Variants in NBPF14 observed in about 807,000 individuals in gnomAD.
NBPF14 encodes the protein NBPF family member NBPF14.
NBPF14 carries 104 observed loss-of-function variants against 91.2 expected under a neutral mutation model. That is an observed-to-expected ratio of 1.14 (90% CI 0.97 to 1.34). The LOEUF is 1.34. Ranked by LOEUF, NBPF14 falls within the 40% of genes most tolerant of loss-of-function variation. NBPF14 has a pLI of 0.00. For missense variants in NBPF14, 908 were observed against 783.0 expected, an observed-to-expected ratio of 1.16 and a Z score of -1.91; for synonymous variants, 294 against 303.8, an observed-to-expected ratio of 0.97 and a Z score of 0.34.
chr1:148,561,943 G>T (rs1657888995), intron 34 of NBPF14, among the ~76,000 whole-genome samples: 3 of 113,358 alleles, frequency 2.6e-5, no homozygotes, highest in African/African-American at 1.6e-4. Flanking sequence ...CAGGGATCAT[G>T]AAAAGACTGT....
chr1:148,576,008 A>C (rs1334541414), intron 16 of NBPF14, among the ~76,000 whole-genome samples, 197 bp from the exon 17 acceptor site: 1 of 147,140 alleles, frequency 6.8e-6, no homozygotes, highest in Non-Finnish European at 1.5e-5. Context: ...AGACAGGGAG[A>C]GGGAGAGAGA....
rs1256326148 is a variant in NBPF14 at position 148,590,304 on chromosome 1, G to A, written c.778+453C>T. 2.6e-4 allele frequency among the ~76,000 whole-genome samples: 36 copies of A among 140,940 alleles called. 2 individuals carry two copies. Among genetic ancestry groups the A allele is most frequent in the South Asian group, 1.5e-3 (6 of 4,098 alleles). 92.5% of individuals were successfully genotyped at this position (140,940 alleles called of 152,430 possible). A position where few individuals can be genotyped will look rare whatever the true frequency, so the allele number is the denominator to read the frequency against. On this transcript the variant is annotated intron_variant, in intron 6 of 70. Transcript: ENST00000619423. Reference sequence around the variant, plus strand: ...AATCTCCTGACCTCATGATCCACCCGCCTCGGCCTCCCAAAGTGCTCGGAT... The same window carrying A: ...AATCTCCTGACCTCATGATCCACCCACCTCGGCCTCCCAAAGTGCTCGGAT...
At position 148,572,334 on chromosome 1, in the gene NBPF14, C is replaced by A. The variant is rs1659225009; in HGVS notation, c.2758+109G>T. The A allele has an allele frequency of 8.4e-5, 23 of 274,640 alleles. 1 individual carries two copies. Among genetic ancestry groups the A allele is most frequent in the East Asian group, 3.4e-4 (5 of 14,638 alleles). The allele number at this position is 274,640 out of a possible 1,614,324, so 17.0% of individuals were successfully genotyped here. A position where few individuals can be genotyped will look rare whatever the true frequency, so the allele number is the denominator to read the frequency against. On this transcript the variant is annotated intron_variant, in intron 21 of 70. Transcript: ENST00000619423. ...AACCTATATGCGCCCATAGGTCCTG[C>A]CTGCGGCAATGACGTCTCTCGGGTC...
rs1449006572 is a variant in NBPF14 at position 148,595,189 on chromosome 1, T to C, written c.175+354A>G. Among the ~76,000 whole-genome samples, 49 of 147,272 alleles carry C rather than the reference T, an allele frequency of 3.3e-4. 2 individuals are homozygous for C. In the South Asian group the frequency reaches 0.01, roughly 31 times the overall value. On this transcript the variant is annotated intron_variant, in intron 2 of 70. Transcript: ENST00000619423. ...TAAAAGTTCACTAGTCCTAGACATT[T>C]AGAACAACAGACTAGATGTTATTTG...
chr1:148,587,086 T>C (rs1413088377), intron 8 of NBPF14, among the ~76,000 whole-genome samples: 2 of 148,108 alleles, frequency 1.4e-5, no homozygotes, highest in Non-Finnish European at 3.0e-5. Context: ...AAATTACTTG[T>C]TTGAAAAAGA....
exon 37 of NBPF14, chr1:148,559,936 C>A (rs1198993033): frequency 7.3e-6 from 10 of 1,377,904 alleles, no homozygotes; most frequent in South Asian, 1.2e-5. Flanking sequence ...GACTTCAGGC[C>A]CTTTCTCATG....
At position 148,587,227 on chromosome 1, in the gene NBPF14, T is replaced by C. The variant is rs1388941487; in HGVS notation, c.1091+74A>G. ...CCCCTGGCCCAGCTGAGCTCTTACG[T>C]CTCCCCACTGAGCTGCTGTACTTCA... On this transcript the variant is annotated intron_variant, in intron 8 of 70. Transcript: ENST00000619423. 9 of 1,312,612 alleles carry C rather than the reference T, an allele frequency of 6.9e-6. No individual in the cohort carries two copies. The African/African-American group carries it at 1.1e-4, about 17-fold the overall frequency. 81.3% of individuals were successfully genotyped at this position (1,312,612 alleles called of 1,614,324 possible). A position where few individuals can be genotyped will look rare whatever the true frequency, so the allele number is the denominator to read the frequency against.
chr1:148,560,194 A>C (rs1424462308), intron 36 of NBPF14, among the ~76,000 whole-genome samples: 3 of 151,352 alleles, frequency 2.0e-5, no homozygotes, highest in Non-Finnish European at 4.4e-5. Flanking sequence ...AGACAGAGAC[A>C]GAGAGAAAGT....
intron 70 of NBPF14, among the ~76,000 whole-genome samples, chr1:148,533,538 T>A (rs1654163443): frequency 6.7e-6 from 1 of 150,236 alleles, no homozygotes; most frequent in Non-Finnish European, 1.5e-5. Context: ...ACACTCTGAG[T>A]TAGTGCCCTC....
intron 37 of NBPF14, among the ~76,000 whole-genome samples, chr1:148,559,385 G>A (rs1488569307): frequency 7.5e-6 from 1 of 133,460 alleles, no homozygotes; most frequent in Non-Finnish European, 1.5e-5. Context: ...TGGTTGCTAG[G>A]AGAAAAACTG....
Position 148,533,042 on chromosome 1 carries a change from T to A in NBPF14, c.8930A>T (p.His2977Leu), listed in dbSNP as rs1285981006. 8 of 1,096,438 alleles carry A rather than the reference T, an allele frequency of 7.3e-6. No homozygotes were observed. In the East Asian group the frequency reaches 2.0e-4, roughly 28 times the overall value. The allele number at this position is 1,096,438 out of a possible 1,614,324, so 67.9% of individuals were successfully genotyped here. A position where few individuals can be genotyped will look rare whatever the true frequency, so the allele number is the denominator to read the frequency against. Residue 2977 changes from histidine to leucine, a missense_variant, in exon 71 of 71, where the codon CAC becomes CTC. Transcript: ENST00000619423. ...TATGACTCCCATCTGGAACACCAGG[T>A]GGAGACTTGTCACCGTCAAAGTAAA...
chr1:148,577,063 C>CT, intron 15 of NBPF14, 120 bp downstream of exon 15: 1 of 680,004 alleles, frequency 1.5e-6, no homozygotes, highest in Non-Finnish European at 2.7e-6. Flanking sequence ...CTACATGTGC[C>CT]TATAGGTTCT....
chr1:148,590,335 G>C lies in NBPF14; in HGVS notation c.778+422C>G, dbSNP rs1312526054. Among the ~76,000 whole-genome samples, 32 of 144,484 alleles carry C rather than the reference G, an allele frequency of 2.2e-4. 2 individuals carry two copies. In the South Asian group the frequency reaches 7.2e-3, roughly 32 times the overall value. The allele number at this position is 144,484 out of a possible 152,430, so 94.8% of individuals were successfully genotyped here. A position where few individuals can be genotyped will look rare whatever the true frequency, so the allele number is the denominator to read the frequency against. On this transcript the variant is annotated intron_variant, in intron 6 of 70. Transcript: ENST00000619423. The stretch of plus-strand genomic sequence containing the variant: ...GCCTCCCAAAGTGCTCGGATTACAG[G>C]TGTGACCCACTGCTCCCAGCCGAGA...
intron 18 of NBPF14, among the ~76,000 whole-genome samples, chr1:148,574,472 CAGAGAG>C (rs1177707680): frequency 2.3e-4 from 5 of 21,784 alleles, no homozygotes; most frequent in African/African-American, 1.3e-3. Flanking sequence ...CACACACACA[CAGAGAG>C]AGAGAGAGAG....
At chr1:148,559,831 A>G in exon 37 of NBPF14, 4 of 1,533,930 alleles carry the variant, frequency 2.6e-6, no homozygotes, top group South Asian at 1.2e-5. Context: ...CTGCTGCTCC[A>G]ATATGTAAAA....
Position 148,572,553 on chromosome 1 carries a change from C to T in NBPF14, c.2648G>A (p.Cys883Tyr). 5 of 658,782 alleles carry T rather than the reference C, an allele frequency of 7.6e-6. 1 individual carries two copies. Among genetic ancestry groups the T allele is most frequent in the South Asian group, 1.5e-5 (1 of 65,612 alleles). The allele number at this position is 658,782 out of a possible 1,614,324, so 40.8% of individuals were successfully genotyped here. A position where few individuals can be genotyped will look rare whatever the true frequency, so the allele number is the denominator to read the frequency against. The change falls in exon 21 of 71, where the codon TGT (cysteine) becomes TAT (tyrosine). Residue 883 changes from cysteine (C) to tyrosine (Y), a missense_variant. Cys to Tyr is a radical substitution (Grantham distance 194, BLOSUM62 -2). Coordinates refer to ENST00000619423, the Ensembl canonical transcript of NBPF14. The stretch of plus-strand genomic sequence containing the variant: ...AAGATAACCTGAAGGAGTCGAATAA[C>T]ATCTATCCAGTGAGTCCTGCAAGAC...
intron 13 of NBPF14, among the ~76,000 whole-genome samples, chr1:148,578,757 T>C (rs1382928578): frequency 6.9e-6 from 1 of 145,948 alleles, no homozygotes; most frequent in African/African-American, 2.5e-5. Flanking sequence ...GATGAGCTGA[T>C]CTGACAGACA....
chr1:148,557,981 T>C (rs1386242063), intron 39 of NBPF14, among the ~76,000 whole-genome samples: 3 of 34,398 alleles, frequency 8.7e-5, no homozygotes, highest in Non-Finnish European at 1.5e-4. Context: ...CTTCTGTGAA[T>C]TTTTTACATC....
At chr1:148,535,395 G>A (rs1654946439) in intron 68 of NBPF14, 58 bp downstream of exon 68, 4 of 507,970 alleles carry the variant, frequency 7.9e-6, no homozygotes, top group Admixed American at 3.3e-5. Flanking sequence ...GTTTTCCCTG[G>A]ACCTGGCATC....
Sources: allele counts gnomAD v4.1 joint callset (sites outside exome capture counted in the v4.1 genomes callset), GRCh38; gene constraint gnomAD v4.1.1; transcripts MANE v1.5; gene names NCBI Gene and HGNC (gene_info 2026-07-23, HGNC 2026-07-21).